The following EIF4G3 variants were observed in gnomAD, a reference collection of about 807,000 sequenced individuals.
The protein encoded by EIF4G3 is eukaryotic translation initiation factor 4 gamma 3.
In EIF4G3, 34 loss-of-function variants were observed where a neutral mutation model predicts 186.4. The ratio of observed to expected loss-of-function variants is 0.18; its 90% confidence interval spans 0.14 to 0.24. EIF4G3 has a LOEUF of 0.24. EIF4G3 is among the 10% of genes least tolerant of loss of function. EIF4G3 has a pLI of 1.00. For synonymous variants in EIF4G3, 673 were observed against 679.5 expected (o/e 0.99, Z 0.15); for missense variants, 1,536 against 1,948.5 (o/e 0.79, Z 3.99).
chr1:21,006,728 C>A (rs1354419989), intron 4 of EIF4G3, among the ~76,000 whole-genome samples: 4 of 152,128 alleles, frequency 2.6e-5, no homozygotes, highest in Non-Finnish European at 4.4e-5. Context: ...CAGTCAACCA[C>A]AGGCAGAAAT....
intron 30 of EIF4G3, 113 bp from the exon 31 acceptor site, chr1:20,829,385 G>A (rs1385957090): frequency 1.4e-5 from 17 of 1,194,594 alleles, no homozygotes; most frequent in Non-Finnish European, 1.9e-5. Flanking sequence ...GCTATGTTAG[G>A]TACAGTCTAG....
At chr1:20,986,621 C>A (rs946316097) in intron 7 of EIF4G3, among the ~76,000 whole-genome samples, 1 of 151,710 alleles carries the variant, frequency 6.6e-6, no homozygotes, top group African/African-American at 2.4e-5. Flanking sequence ...TGGTGGCATG[C>A]GCCTGTAGTC....
At position 21,137,602 on chromosome 1, in the gene EIF4G3, A is replaced by T. The variant is rs1030341273; in HGVS notation, c.-272+38573T>A. Among the ~76,000 whole-genome samples, 5 of 152,042 alleles carry T rather than the reference A, an allele frequency of 3.3e-5. 1 individual carries two copies. The highest frequency in any genetic ancestry group is 3.3e-4 in the Admixed American group (5 of 15,242). ...GGCAGGAGGATCACTTGAGCCTTGG[A>T]GTTTGAGACCAGCCTGGGCAACATA... On this transcript the variant is annotated intron_variant, in intron 2 of 36. Coordinates refer to ENST00000602326, the MANE Select transcript of EIF4G3 (RefSeq NM_001391906.1).
chr1:20,874,904 T>C (rs2080311348), intron 20 of EIF4G3, among the ~76,000 whole-genome samples: 1 of 152,208 alleles, frequency 6.6e-6, no homozygotes, highest in African/African-American at 2.4e-5. Context: ...ATGTTCACTG[T>C]TACCATTTTA....
At chr1:20,848,802 C>G (rs190021842) in intron 29 of EIF4G3, among the ~76,000 whole-genome samples, 1 of 151,852 alleles carries the variant, frequency 6.6e-6, no homozygotes, top group Non-Finnish European at 1.5e-5. Flanking sequence ...AATCTCAGCA[C>G]TTTGGGAGTC....
intron 2 of EIF4G3, among the ~76,000 whole-genome samples, chr1:21,165,698 G>A (rs1388417875): frequency 6.6e-6 from 1 of 152,060 alleles, no homozygotes; most frequent in East Asian, 1.9e-4. Flanking sequence ...GGGAGTCATG[G>A]GGAGTCAAAC....
intron 2 of EIF4G3, among the ~76,000 whole-genome samples, chr1:21,129,176 G>A (rs1181527038): frequency 7.2e-5 from 11 of 152,032 alleles, no homozygotes; most frequent in South Asian, 2.1e-4. Flanking sequence ...TTAGCCAGGC[G>A]TGGTGGCGGG....
At chr1:21,037,860 G>C (rs546799638) in intron 4 of EIF4G3, among the ~76,000 whole-genome samples, 1 of 152,298 alleles carries the variant, frequency 6.6e-6, no homozygotes, top group African/African-American at 2.4e-5. Context: ...GATTAGAGGA[G>C]GGAAAAGGCA....
chr1:21,081,207 T>C (rs926263464), intron 3 of EIF4G3, among the ~76,000 whole-genome samples: 1 of 152,008 alleles, frequency 6.6e-6, no homozygotes, highest in South Asian at 2.1e-4. Context: ...CCGAGGCGGG[T>C]GGATCACGAG....
intron 30 of EIF4G3, among the ~76,000 whole-genome samples, chr1:20,835,382 A>C (rs550699993): frequency 6.6e-6 from 1 of 152,262 alleles, no homozygotes; most frequent in South Asian, 2.1e-4. Context: ...ACAAACATCT[A>C]AACAGAAATA....
At chr1:21,163,680 ACCT>A (rs749161442) in intron 2 of EIF4G3, among the ~76,000 whole-genome samples, 3 of 152,226 alleles carry the variant, frequency 2.0e-5, no homozygotes, top group Non-Finnish European at 2.9e-5. Context: ...TAACAAAATA[ACCT>A]CTTCTTTAAT....
At chr1:21,104,459 A>G (rs141078881) in intron 2 of EIF4G3, among the ~76,000 whole-genome samples, 5 of 152,372 alleles carry the variant, frequency 3.3e-5, no homozygotes, top group Middle Eastern at 3.4e-3. Flanking sequence ...GCCAACAAGC[A>G]TATGAAAAAA....
At chr1:21,164,627 A>C (rs2097824952) in intron 2 of EIF4G3, among the ~76,000 whole-genome samples, 1 of 152,132 alleles carries the variant, frequency 6.6e-6, no homozygotes, top group Non-Finnish European at 1.5e-5. Context: ...TGGAAGGCAA[A>C]GGTAGGCAGA....
chr1:21,037,340 A>C (rs779270392), intron 4 of EIF4G3, among the ~76,000 whole-genome samples: 1 of 152,154 alleles, frequency 6.6e-6, no homozygotes, highest in Non-Finnish European at 1.5e-5. Context: ...TTTTCATTCA[A>C]CTATTTAGGG....
chr1:20,945,510 G>A (rs2095900425), intron 13 of EIF4G3, among the ~76,000 whole-genome samples: 1 of 152,162 alleles, frequency 6.6e-6, no homozygotes, highest in Non-Finnish European at 1.5e-5. Context: ...CTGTCGCCTA[G>A]GCTGGAGTGC....
chr1:20,812,660 A>C (rs998129154), intron 35 of EIF4G3, among the ~76,000 whole-genome samples: 1 of 152,250 alleles, frequency 6.6e-6, no homozygotes, highest in Non-Finnish European at 1.5e-5. Context: ...AATCCTATCA[A>C]TATTAACAAT....
intron 24 of EIF4G3, 36 bp downstream of exon 24, chr1:20,860,349 C>T: frequency 6.2e-7 from 1 of 1,611,494 alleles, no homozygotes; most frequent in African/African-American, 1.3e-5. Context: ...CCTGAAACTT[C>T]CAAGTTCTCT....
chr1:21,138,289 T>C (rs1467198698), intron 2 of EIF4G3, among the ~76,000 whole-genome samples: 1 of 152,174 alleles, frequency 6.6e-6, no homozygotes, highest in African/African-American at 2.4e-5. Flanking sequence ...CTCTGGCTCT[T>C]CACTGTCTAG....
chr1:20,975,569 A>G (rs1052223530), intron 10 of EIF4G3, among the ~76,000 whole-genome samples: 1 of 150,972 alleles, frequency 6.6e-6, no homozygotes, highest in Non-Finnish European at 1.5e-5. Flanking sequence ...GCAGAGTAGA[A>G]AATCTGCCCT....
Sources: allele counts gnomAD v4.1 joint callset (sites outside exome capture counted in the v4.1 genomes callset), GRCh38; gene constraint gnomAD v4.1.1; transcripts MANE v1.5; gene names NCBI Gene and HGNC (gene_info 2026-07-23, HGNC 2026-07-21).